RBFOX1: variants seen among roughly 807,000 people sequenced by gnomAD.
The protein encoded by RBFOX1 is RNA binding protein fox-1 homolog 1.
RBFOX1 carries 8 observed loss-of-function variants against 57.7 expected under a neutral mutation model. That is an observed-to-expected ratio of 0.14 (90% CI 0.08 to 0.25). RBFOX1 has a LOEUF of 0.25. RBFOX1 is among the 10% of genes least tolerant of loss of function. The pLI is 1.00. For synonymous variants in RBFOX1, 326 were observed against 222.4 expected (o/e 1.47, Z -4.15); for missense variants, 611 against 548.5 (o/e 1.11, Z -1.14).
At chr16:6,883,197 A>G (rs1364183031) in intron 3 of RBFOX1, among the ~76,000 whole-genome samples, 1 of 152,210 alleles carries the variant, frequency 6.6e-6, no homozygotes, top group East Asian at 1.9e-4. Context: ...AACCTAAGCA[A>G]TAGAAAGAAA....
chr16:6,558,552 C>A (rs1221059580), intron 2 of RBFOX1, among the ~76,000 whole-genome samples: 28 of 152,062 alleles, frequency 1.8e-4, no homozygotes, highest in Admixed American at 2.6e-4. Flanking sequence ...TCATGACTTT[C>A]AAAAGTTTCC....
At chr16:5,781,245 TA>T in intron 3 of RBFOX1, among the ~76,000 whole-genome samples, 1 of 152,306 alleles carries the variant, frequency 6.6e-6, no homozygotes, top group African/African-American at 2.4e-5. Context: ...GTGCATCCTC[TA>T]AGTGGGGGAA....
chr16:6,526,551 C>G (rs552419423), intron 2 of RBFOX1, among the ~76,000 whole-genome samples: 9 of 152,016 alleles, frequency 5.9e-5, no homozygotes, highest in Non-Finnish European at 1.3e-4. Context: ...CCTAAGAGGG[C>G]CAGGCACAGT....
rs149718024 is a variant in RBFOX1, at chr16:6,746,946, G to A, written c.-16+92296G>A. ...GAGACTTCAGCAGGTGTCTCACTTG[G>A]GCTCAAACTAAAATCTCATCTCTCC... On this transcript the variant is annotated intron_variant, in intron 3 of 15. Coordinates refer to ENST00000550418, the MANE Select transcript of RBFOX1 (RefSeq NM_018723.4). 3.3e-5 allele frequency among the ~76,000 whole-genome samples: 5 copies of A among 152,014 alleles called. No homozygotes were observed. The East Asian group carries it at 9.7e-4, about 30-fold the overall frequency.
chr16:5,922,119 C>T (rs59428240), intron 4 of RBFOX1, among the ~76,000 whole-genome samples: 9,393 of 152,198 alleles, frequency 0.062, 1,007 homozygotes, highest in African/African-American at 0.21. Context: ...TCTGATCGCA[C>T]CACTGCATTC....
chr16:5,975,324 C>A (rs150114693), intron 4 of RBFOX1, among the ~76,000 whole-genome samples: 169 of 152,302 alleles, frequency 1.1e-3, no homozygotes, highest in African/African-American at 4.0e-3. Context: ...CCAAGCTCTG[C>A]AGCCTTCGTC....
chr16:6,448,370 G>C (rs1293371789), intron 2 of RBFOX1, among the ~76,000 whole-genome samples: 4 of 151,772 alleles, frequency 2.6e-5, no homozygotes, highest in African/African-American at 9.7e-5. Context: ...TGTTGACCAG[G>C]CTGGTCTTGA....
chr16:6,697,547 C>G (rs2061237605), intron 3 of RBFOX1, among the ~76,000 whole-genome samples: 1 of 152,276 alleles, frequency 6.6e-6, no homozygotes, highest in African/African-American at 2.4e-5. Context: ...ATCACATGGT[C>G]CATTCTCACT....
At chr16:5,471,944 G>C (rs1038036098) in intron 2 of RBFOX1, among the ~76,000 whole-genome samples, 2 of 152,110 alleles carry the variant, frequency 1.3e-5, no homozygotes, top group Admixed American at 1.3e-4. Flanking sequence ...TGTGTTTTTG[G>C]CTGGAGTGTG....
At chr16:5,421,593 C>A (rs557195223) in intron 1 of RBFOX1, among the ~76,000 whole-genome samples, 1 of 152,112 alleles carries the variant, frequency 6.6e-6, no homozygotes, top group East Asian at 1.9e-4. Flanking sequence ...CCCAGGGAGC[C>A]CAAGAAGAAA....
At chr16:7,685,374 CAATT>C (rs1216267125) in intron 14 of RBFOX1, among the ~76,000 whole-genome samples, 1 of 152,124 alleles carries the variant, frequency 6.6e-6, no homozygotes, top group Non-Finnish European at 1.5e-5. Flanking sequence ...CCCAGGGCCA[CAATT>C]AATTCTTTAC....
intron 1 of RBFOX1, among the ~76,000 whole-genome samples, chr16:5,325,236 T>A (rs1312014946): frequency 2.0e-5 from 3 of 152,082 alleles, no homozygotes; most frequent in African/African-American, 7.2e-5. Context: ...CCTCCCTGTT[T>A]GTCACCTCTT....
chr16:6,245,755 A>C (rs559112148), intron 1 of RBFOX1, among the ~76,000 whole-genome samples: 1 of 152,316 alleles, frequency 6.6e-6, no homozygotes, highest in East Asian at 1.9e-4. Flanking sequence ...TAACATCTGC[A>C]GCTACTCAGC....
intron 2 of RBFOX1, among the ~76,000 whole-genome samples, chr16:6,476,632 G>T (rs80307915): frequency 0.025 from 3,768 of 152,232 alleles, 140 homozygotes; most frequent in African/African-American, 0.081. Flanking sequence ...GTCTTGCCTC[G>T]GTGTTGATGG....
chr16:6,760,891 A>C (rs543542631), intron 3 of RBFOX1, among the ~76,000 whole-genome samples: 9 of 152,122 alleles, frequency 5.9e-5, no homozygotes, highest in Non-Finnish European at 1.0e-4. Flanking sequence ...ATTGGACTCT[A>C]ATGGATAGAT....
Position 6,859,070 on chromosome 16 carries a change from C to T in RBFOX1, c.-15-192987C>T, listed in dbSNP as rs1315970980. On this transcript the variant is annotated intron_variant, in intron 3 of 15. Transcript: ENST00000550418. ...GGCTGGAAGGAGGAATTAAGTTATGCTCCCTTAATACCATCAGTGTTGTAT... is the reference window on the plus strand; with the variant it reads ...GGCTGGAAGGAGGAATTAAGTTATGTTCCCTTAATACCATCAGTGTTGTAT... Among the ~76,000 whole-genome samples the T allele has an allele frequency of 4.4e-5, 6 of 136,178 alleles. No homozygotes were observed. The East Asian group carries it at 8.7e-4, about 20-fold the overall frequency. 89.3% of individuals were successfully genotyped at this position (136,178 alleles called of 152,430 possible). A position where few individuals can be genotyped will look rare whatever the true frequency, so the allele number is the denominator to read the frequency against.
chr16:6,653,065 G>A (rs2098609803), intron 2 of RBFOX1, among the ~76,000 whole-genome samples: 1 of 152,034 alleles, frequency 6.6e-6, no homozygotes, highest in African/African-American at 2.4e-5. Flanking sequence ...TCTTTCCAGT[G>A]CATTTCCCCC....
At chr16:7,335,228 A>C (rs2096764160) in intron 4 of RBFOX1, among the ~76,000 whole-genome samples, 1 of 152,204 alleles carries the variant, frequency 6.6e-6, no homozygotes, top group Non-Finnish European at 1.5e-5. Context: ...TGCAGACTCC[A>C]CTTGCTCACT....
intron 4 of RBFOX1, among the ~76,000 whole-genome samples, chr16:5,901,568 G>A (rs951211118): frequency 6.6e-6 from 1 of 152,152 alleles, no homozygotes; most frequent in Non-Finnish European, 1.5e-5. Flanking sequence ...GTTAAAATTA[G>A]AAATTCAGCC....
Sources: gnomAD v4.1 joint callset for allele counts (sites outside exome capture counted in the v4.1 genomes callset) on GRCh38, gnomAD v4.1.1 for gene constraint, MANE v1.5 for transcripts, NCBI Gene and HGNC (gene_info 2026-07-23, HGNC 2026-07-21) for gene names.